QSOX1: variants seen among roughly 807,000 people sequenced by gnomAD.
QSOX1 encodes the protein sulfhydryl oxidase 1.
In QSOX1, 40 loss-of-function variants were observed where a neutral mutation model predicts 76.1. The ratio of observed to expected loss-of-function variants is 0.53; its 90% CI spans 0.41 to 0.68. The LOEUF (loss-of-function observed/expected upper bound fraction) is 0.68. Among genes scored for constraint, QSOX1 ranks in the 30% least tolerant of loss-of-function variants. QSOX1 has a pLI of 0.00. For missense variants in QSOX1, 931 were observed against 974.3 expected (o/e 0.96, Z 0.59); for synonymous variants, 392 against 413.1 (o/e 0.95, Z 0.62).
Position 180,197,519 on chromosome 1 carries a change from C to T in QSOX1, c.*482C>T, listed in dbSNP as rs892554088. The T allele has an allele frequency of 2.4e-5, 24 of 1,013,246 alleles. 1 individual carries two copies. Among genetic ancestry groups the T allele is most frequent in the Admixed American group, 7.1e-5 (3 of 42,384 alleles). The allele number at this position is 1,013,246 out of a possible 1,614,324, so 62.8% of individuals were successfully genotyped here. On this transcript the variant is annotated 3_prime_UTR_variant, in exon 12 of 12. Transcript: ENST00000367602. ...CCGGACAATGAAGAAGCCTTTGCACCCTGGGAGGAAGGACCACCCCGGGCC... is the reference window on the plus strand; with the variant it reads ...CCGGACAATGAAGAAGCCTTTGCACTCTGGGAGGAAGGACCACCCCGGGCC...
chr1:180,187,858 G>A (rs1663212515), intron 8 of QSOX1, among the ~76,000 whole-genome samples: 2 of 152,234 alleles, frequency 1.3e-5, no homozygotes, highest in African/African-American at 4.8e-5. Flanking sequence ...CCCTCTGTTT[G>A]GGTTTTGCCC....
chr1:180,167,470 G>A (rs1221282382), intron 2 of QSOX1, among the ~76,000 whole-genome samples: 1 of 152,162 alleles, frequency 6.6e-6, no homozygotes, highest in Non-Finnish European at 1.5e-5. Flanking sequence ...CTGGGGGTAG[G>A]GGCAGCCAAG....
In QSOX1 at chr1:180,163,941, A is replaced by G. The variant is rs1479351632; in HGVS notation, c.266-2550A>G. ...AAGCCCTGCCATGAGAACCTGTACT[A>G]GCTCATGGGACACGGAGGGTAGGTT... On this transcript the variant is annotated intron_variant, in intron 1 of 11. Coordinates refer to ENST00000367602, the MANE Select transcript of QSOX1 (RefSeq NM_002826.5). 2.0e-5 allele frequency among the ~76,000 whole-genome samples: 3 copies of G among 152,244 alleles called. No homozygotes were observed. In the East Asian group the frequency reaches 5.8e-4, roughly 29 times the overall value.
chr1:180,156,637 G>C (rs1266621998), intron 1 of QSOX1, among the ~76,000 whole-genome samples: 2 of 152,164 alleles, frequency 1.3e-5, no homozygotes, highest in African/African-American at 2.4e-5. Context: ...CTTATAAGCT[G>C]TTTTGACCTC....
intron 2 of QSOX1, among the ~76,000 whole-genome samples, chr1:180,173,637 C>T (rs1007561236): frequency 6.6e-6 from 1 of 152,068 alleles, no homozygotes. Context: ...AGCCTTTGTT[C>T]CTCATGTGGG....
intron 1 of QSOX1, among the ~76,000 whole-genome samples, chr1:180,164,297 TGGTGGGGG>T (rs1218587234): frequency 2.0e-5 from 3 of 152,180 alleles, no homozygotes; most frequent in Non-Finnish European, 4.4e-5. Flanking sequence ...AAAAAGTGTG[TGGTGGGGG>T]GGTGTTGAGG....
At chr1:180,195,488 G>A (rs1217594165) in intron 11 of QSOX1, among the ~76,000 whole-genome samples, 2 of 152,190 alleles carry the variant, frequency 1.3e-5, no homozygotes, top group Non-Finnish European at 2.9e-5. Context: ...ACCTTTAGGA[G>A]AAGTGCTTCT....
At position 180,182,177 on chromosome 1, in the gene QSOX1, G is replaced by A. The variant is rs1473860446; in HGVS notation, c.610G>A (p.Ala204Thr). 2 of 1,614,128 alleles carry A rather than the reference G, an allele frequency of 1.2e-6. No homozygotes were observed. The highest frequency in any genetic ancestry group is 1.7e-5 in the Admixed American group (1 of 60,026). ...KGGSYLGREV[A>T]LDLSQHKGVA... ...AGATGTTCTGCTGTCCCTGCAGGTG[G>A]CTCTGGACCTGTCCCAGCACAAAGG... The change falls in exon 6 of 12, where the codon GCT becomes ACT. Residue 204 changes from alanine (A) to threonine (T), a missense_variant. By Grantham distance (58) the Ala-to-Thr change is moderately conservative. Transcript: ENST00000367602.
chr1:180,194,208 T>C lies in QSOX1; in HGVS notation c.1289-5T>C, dbSNP rs779069307. 15 of 1,610,204 alleles carry C rather than the reference T, an allele frequency of 9.3e-6. No homozygotes were observed. The African/African-American group carries it at 1.6e-4, about 17-fold the overall frequency. On this transcript the variant is annotated splice_region_variant and splice_polypyrimidine_tract_variant and intron_variant, in intron 10 of 11. Coordinates refer to ENST00000367602, the MANE Select transcript of QSOX1 (RefSeq NM_002826.5). ...CTGGTGCGTGGCATCTCCTCTGCCC[T>C]GTAGCCAAGGCCAAGGAGGTCCTCC...
intron 8 of QSOX1, among the ~76,000 whole-genome samples, chr1:180,186,921 T>A (rs73040448): frequency 0.029 from 4,432 of 152,290 alleles, 124 homozygotes; most frequent in East Asian, 0.064. Context: ...TTCCCTTTGG[T>A]TCCAGATCCT....
Position 180,154,883 on chromosome 1 carries a change from T to A in QSOX1, c.-25T>A. On this transcript the variant is annotated 5_prime_UTR_variant, in exon 1 of 12. Transcript: ENST00000367602. The stretch of plus-strand genomic sequence containing the variant: ...GGACCCGACTCATCCGGTGCTTGCG[T>A]GTGGTGGTGAGCGCAGCGCCGAGGA... The A allele has an allele frequency of 7.2e-7, 1 of 1,385,406 alleles. No homozygotes were observed. Among genetic ancestry groups the A allele is most frequent in the Non-Finnish European group, 9.3e-7 (1 of 1,076,514 alleles). The allele number at this position is 1,385,406 out of a possible 1,614,324, so 85.8% of individuals were successfully genotyped here.
At chr1:180,172,692 T>A (rs1179975393) in intron 2 of QSOX1, among the ~76,000 whole-genome samples, 1 of 152,134 alleles carries the variant, frequency 6.6e-6, no homozygotes, top group Non-Finnish European at 1.5e-5. Flanking sequence ...CTAATTTTTA[T>A]ATTTTTAGTA....
Position 180,178,889 on chromosome 1 carries a change from G to A in QSOX1, c.606+5G>A. 4 of 1,611,418 alleles carry A rather than the reference G, an allele frequency of 2.5e-6. No homozygotes were observed. Among genetic ancestry groups the A allele is most frequent in the Non-Finnish European group, 3.4e-6 (4 of 1,177,584 alleles). On this transcript the variant is annotated splice_donor_5th_base_variant and intron_variant, in intron 5 of 11. Transcript: ENST00000367602. The stretch of plus-strand genomic sequence containing the variant: ...GGCTCCTACCTGGGTAGAGAGGTGA[G>A]CTGCCCTGAAGTTCCCTGCAATTCT...
Position 180,196,564 on chromosome 1 carries a change from A to G in QSOX1, c.1771A>G (p.Asn591Asp), listed in dbSNP as rs3738115. Residue 591 changes from asparagine (N) to aspartate (D), a missense_variant, in exon 12 of 12, where the codon AAC (asparagine) becomes GAC (aspartate). Physicochemically the swap from Asn to Asp is conservative, Grantham distance 23. Transcript: ENST00000367602. The surrounding 1 kb of genome is among the most constrained non-coding windows in gnomAD (Gnocchi z 4.1). Reference protein sequence around the residue: ...GKPEMMKSPTNTTPHVPAEGP... With the variant: ...GKPEMMKSPTDTTPHVPAEGP... ...GCCTGAGATGATGAAGTCCCCCACAAACACCACCCCACATGTGCCGGCTGA... is the reference window on the plus strand; with the variant it reads ...GCCTGAGATGATGAAGTCCCCCACAGACACCACCCCACATGTGCCGGCTGA... 4 of 1,614,102 alleles carry G rather than the reference A, an allele frequency of 2.5e-6. No individual in the cohort carries two copies. The South Asian group carries it at 4.4e-5, about 18-fold the overall frequency.
In QSOX1 at chr1:180,173,584, G is replaced by A. The variant is rs551100729; in HGVS notation, c.367-1737G>A. ...GTAAGGGCCCGGGGGAGGTCACAGG[G>A]AGCAGAAGGTTGCAGATGGGGAGAG... On this transcript the variant is annotated intron_variant, in intron 2 of 11. Coordinates refer to ENST00000367602, the MANE Select transcript of QSOX1 (RefSeq NM_002826.5). Among the ~76,000 whole-genome samples, 10 of 152,308 alleles carry A rather than the reference G, an allele frequency of 6.6e-5. No individual in the cohort carries two copies. In the South Asian group the frequency reaches 2.1e-3, roughly 32 times the overall value.
chr1:180,188,779 C>T (rs761254725), intron 8 of QSOX1, among the ~76,000 whole-genome samples: 26 of 152,358 alleles, frequency 1.7e-4, no homozygotes, highest in East Asian at 1.2e-3. Context: ...CTCATCCCCT[C>T]GGCCAGCCTC....
At chr1:180,174,183 C>T (rs1292981912) in intron 2 of QSOX1, among the ~76,000 whole-genome samples, 3 of 152,266 alleles carry the variant, frequency 2.0e-5, no homozygotes, top group Non-Finnish European at 4.4e-5. Flanking sequence ...AGTTCAGTGG[C>T]CGGCTTCCAG....
chr1:180,190,243 G>T (rs145555008), intron 9 of QSOX1, among the ~76,000 whole-genome samples, 190 bp from the exon 10 acceptor site: 1 of 152,344 alleles, frequency 6.6e-6, no homozygotes, highest in African/African-American at 2.4e-5. Flanking sequence ...GATGCAGCTT[G>T]ATCTGGGTCA....
intron 10 of QSOX1, 80 bp downstream of exon 10, chr1:180,190,660 G>C: frequency 7.1e-7 from 1 of 1,411,150 alleles, no homozygotes; most frequent in Non-Finnish European, 9.4e-7. Context: ...GGGCAGGGAA[G>C]CTCCCTTGAA....
Sources: gnomAD v4.1 joint callset for allele counts (sites outside exome capture counted in the v4.1 genomes callset) on GRCh38, gnomAD v4.1.1 for gene constraint, Gnocchi (gnomAD v3.1) non-coding constraint, MANE v1.5 for transcripts, NCBI Gene and HGNC (gene_info 2026-07-23, HGNC 2026-07-21) for gene names.